The following CD36 variants were observed in gnomAD, a reference collection of about 807,000 sequenced individuals.
The protein encoded by CD36 is platelet glycoprotein 4.
A neutral mutation model predicts 55.2 loss-of-function variants in CD36; 119 were observed. The ratio of observed to expected loss-of-function variants is 2.15; its 90% CI spans 1.86 to 2.51. The LOEUF (loss-of-function observed/expected upper bound fraction) is 2.51, where lower values mean the gene tolerates loss of function less well. CD36 is among the 30% of genes most tolerant of loss of function. The pLI is 0.00. For synonymous variants in CD36, 186 were observed against 193.6 expected (o/e 0.96, Z 0.33); for missense variants, 819 against 555.5 (o/e 1.47, Z -4.77).
chr7:80,672,888 G>T, intron 12 of CD36, 45 bp downstream of exon 12: 1 of 1,220,126 alleles, frequency 8.2e-7, no homozygotes, highest in Non-Finnish European at 1.2e-6. Flanking sequence ...CTGTAGTATC[G>T]TAGTATCTTC....
chr7:80,664,453 TA>T lies in CD36; in HGVS notation c.659del (p.Asn220ThrfsTer2). The T allele has an allele frequency of 2.5e-6, 4 of 1,583,108 alleles. No individual in the cohort carries two copies. Among genetic ancestry groups the T allele is most frequent in the Non-Finnish European group, 3.5e-6 (4 of 1,152,044 alleles). On this transcript the variant is annotated frameshift_variant, in exon 7 of 15. Transcript: ENST00000447544. LOFTEE classifies it high-confidence loss of function. Reference sequence around the variant, plus strand: ...TTTATAAAGTTTTCAATGGAAAAGATAACATAAGTAAAGTTGCCATAATCGA... The same window carrying T: ...TTTATAAAGTTTTCAATGGAAAAGATACATAAGTAAAGTTGCCATAATCGA... ...GVYKVFNGKD[N>X]ISKVAIIDTY...
chr7:80,602,234 T>C (rs1202330395), exon 1 of CD36: 4 of 152,138 alleles, frequency 2.6e-5, no homozygotes, highest in Non-Finnish European at 5.9e-5. Flanking sequence ...TAAGGATAGA[T>C]GAAGGGTTGA....
At position 80,622,154 on chromosome 7, in the gene CD36, T is replaced by A. The variant is rs1793507747; in HGVS notation, c.-184+19775T>A. 2.6e-5 allele frequency among the ~76,000 whole-genome samples: 4 copies of A among 152,212 alleles called. 1 individual carries two copies. The South Asian group carries it at 8.3e-4, about 32-fold the overall frequency. On this transcript the variant is annotated intron_variant, in intron 1 of 13. Coordinates refer to the CD36 transcript ENST00000309881. ...TTCAGGTGGGGGGACCACCCCTGCA[T>A]CTCCTCTCTGCTGAAAGCTGTTCCA...
intron 14 of CD36, among the ~76,000 whole-genome samples, chr7:80,675,353 C>A (rs897755429): frequency 5.9e-5 from 9 of 152,168 alleles, no homozygotes; most frequent in African/African-American, 2.2e-4. Flanking sequence ...AAAAACTTGT[C>A]CTAATGGGAA....
intron 1 of CD36, among the ~76,000 whole-genome samples, chr7:80,639,161 G>C (rs891652279): frequency 1.9e-4 from 29 of 151,924 alleles, no homozygotes; most frequent in Admixed American, 6.6e-5. Context: ...ATGTCAACAT[G>C]TTGTCTAATA....
upstream of CD36, among the ~76,000 whole-genome samples, chr7:80,633,783 T>G (rs1316578905): frequency 1.3e-5 from 2 of 152,032 alleles, no homozygotes; most frequent in Non-Finnish European, 2.9e-5. Context: ...TGATTAGTAT[T>G]CCCTAAAGAT....
intron 8 of CD36, among the ~76,000 whole-genome samples, chr7:80,667,318 T>C (rs1797184010): frequency 6.6e-6 from 1 of 150,998 alleles, no homozygotes; most frequent in Non-Finnish European, 1.5e-5. Flanking sequence ...TAGTTCCGGC[T>C]ACTTGGGAGG....
intron 8 of CD36, among the ~76,000 whole-genome samples, chr7:80,668,857 C>T (rs3211931): frequency 0.38 from 58,418 of 151,984 alleles, 11,772 homozygotes; most frequent in East Asian, 0.52. Context: ...CATTCAATGA[C>T]GGCTCGTATT....
intron 7 of CD36, 70 bp downstream of exon 7, chr7:80,664,567 C>T: frequency 1.1e-6 from 1 of 879,130 alleles, no homozygotes; most frequent in Non-Finnish European, 2.0e-6. Context: ...ATTCATTTAA[C>T]ATCTCATAAG....
In CD36 at chr7:80,646,801, G is replaced by A. The variant is rs760691855; in HGVS notation, c.61G>A (p.Val21Met). The change falls in exon 3 of 15, where the codon GTG becomes ATG. Residue 21 changes from valine (V) to methionine (M), a missense_variant. Coordinates refer to ENST00000447544, the MANE Select transcript of CD36 (RefSeq NM_001001548.3). The part of the protein sequence containing the change: ...AGAVIGAVLA[V>M]FGGILMPVGD... The stretch of plus-strand genomic sequence containing the variant: ...GGCTGTCATTGGTGCTGTCCTGGCT[G>A]TGTTTGGAGGTATTCTAATGCCAGT... 1.9e-6 allele frequency: 3 copies of A among 1,614,012 alleles called. No individual in the cohort carries two copies. The highest frequency in any genetic ancestry group is 1.1e-5 in the South Asian group (1 of 91,080).
intron 1 of CD36, among the ~76,000 whole-genome samples, chr7:80,609,370 G>C (rs577471571): frequency 6.6e-6 from 1 of 152,156 alleles, no homozygotes; most frequent in East Asian, 1.9e-4. Flanking sequence ...CTCTGTACCC[G>C]GAGCTGTACA....
At chr7:80,674,900 A>G (rs1052712001) in intron 14 of CD36, among the ~76,000 whole-genome samples, 2 of 152,130 alleles carry the variant, frequency 1.3e-5, no homozygotes, top group African/African-American at 4.8e-5. Flanking sequence ...TGCTAAAGAA[A>G]GATTCTTTAT....
At chr7:80,648,959 A>C (rs141633050) in intron 3 of CD36, among the ~76,000 whole-genome samples, 2 of 152,272 alleles carry the variant, frequency 1.3e-5, no homozygotes, top group East Asian at 3.9e-4. Flanking sequence ...AAAGATTAGA[A>C]GTTAACATGG....
At chr7:80,662,094 C>T (rs867824460) in intron 5 of CD36, among the ~76,000 whole-genome samples, 1 of 152,118 alleles carries the variant, frequency 6.6e-6, no homozygotes, top group Non-Finnish European at 1.5e-5. Context: ...AACACAAAAT[C>T]CTAAAAAGTA....
chr7:80,671,050 A>G lies in CD36; in HGVS notation c.892A>G (p.Lys298Glu), dbSNP rs912125854. 6 of 1,612,830 alleles carry G rather than the reference A, an allele frequency of 3.7e-6. No homozygotes were observed. Among genetic ancestry groups the G allele is most frequent in the Non-Finnish European group, 5.1e-6 (6 of 1,178,934 alleles). ...TGTGTATAGATTTGTTCTTCCATCC[A>G]AGGCCTTTGCCTCTCCAGTTGAAAA... ...IPVYRFVLPS[K>E]AFASPVENPD... The change falls in exon 10 of 15, where the codon AAG becomes GAG. Residue 298 changes from lysine to glutamate, a missense_variant. By Grantham distance (56) the Lys-to-Glu change is moderately conservative (BLOSUM62 1). Transcript: ENST00000447544.
At position 80,663,045 on chromosome 7, in the gene CD36, T is replaced by G; in HGVS notation, c.485T>G (p.Ile162Ser). The change falls in exon 6 of 15, where the codon ATT becomes AGT. Residue 162 changes from isoleucine to serine, a missense_variant. Transcript: ENST00000447544. ...QFVQMILNSL[I>S]NKSKSSMFQV... ...GTTCAAATGATCCTCAATTCACTTATTAACAAGTCAAAATCTTCTATGTTC... is the reference window on the plus strand; with the variant it reads ...GTTCAAATGATCCTCAATTCACTTAGTAACAAGTCAAAATCTTCTATGTTC... The G allele has an allele frequency of 1.2e-6, 2 of 1,613,514 alleles. No individual in the cohort carries two copies. The highest frequency in any genetic ancestry group is 1.7e-6 in the Non-Finnish European group (2 of 1,179,556).
chr7:80,628,081 AT>A (rs1272892291), intron 1 of CD36, among the ~76,000 whole-genome samples: 2 of 152,072 alleles, frequency 1.3e-5, no homozygotes, highest in Non-Finnish European at 2.9e-5. Context: ...TCATCAGTGC[AT>A]TTAAACTTGA....
intron 3 of CD36, among the ~76,000 whole-genome samples, chr7:80,656,176 CAGTA>C (rs1329241565): frequency 6.6e-6 from 1 of 152,096 alleles, no homozygotes; most frequent in African/African-American, 2.4e-5. Flanking sequence ...AAGTTCAACT[CAGTA>C]AGAACTTTTT....
chr7:80,624,823 G>T (rs1014038255), intron 1 of CD36: 1 of 152,034 alleles, frequency 6.6e-6, no homozygotes, highest in Non-Finnish European at 1.5e-5. Flanking sequence ...TAATGAATAT[G>T]ATTATAAAAA....
Sources: gnomAD v4.1 joint callset for allele counts (sites outside exome capture counted in the v4.1 genomes callset) on GRCh38, gnomAD v4.1.1 for gene constraint, MANE v1.5 for transcripts, NCBI Gene and HGNC (gene_info 2026-07-23, HGNC 2026-07-21) for gene names.